The following FRY variants were observed in gnomAD, a reference collection of about 807,000 sequenced individuals.
The protein encoded by FRY is protein furry homolog.
Under a neutral mutation model 348.4 loss-of-function variants are expected in FRY, and 128 were observed. That is an observed-to-expected ratio of 0.37 (90% CI 0.32 to 0.43). FRY has a LOEUF of 0.43. Among genes scored for constraint, FRY ranks in the 20% least tolerant of loss-of-function variants. The pLI, the probability that FRY is intolerant of heterozygous loss-of-function variation, is 1.00. For missense variants in FRY, 2,736 were observed against 3,695.2 expected, an observed-to-expected ratio of 0.74 and a Z score of 6.73; for synonymous variants, 1,370 against 1,374.7, an observed-to-expected ratio of 1.00 and a Z score of 0.08.
Position 32,220,403 on chromosome 13 carries a change from T to A in FRY, c.4765+1572T>A, listed in dbSNP as rs970077793. ...TTTCAGCTATGTCCCTATAAAACCT[T>A]CACTAGAGCTGTCAATAGGAAGTAA... On this transcript the variant is annotated intron_variant, in intron 36 of 60. Coordinates refer to ENST00000542859, the MANE Select transcript of FRY (RefSeq NM_023037.3). Among the ~76,000 whole-genome samples the A allele has an allele frequency of 3.3e-5, 5 of 152,258 alleles. No homozygotes were observed. The South Asian group carries it at 1.0e-3, about 31-fold the overall frequency.
chr13:32,225,098 T>G, intron 38 of FRY, 62 bp downstream of exon 38: 1 of 937,978 alleles, frequency 1.1e-6, no homozygotes, highest in Non-Finnish European at 1.8e-6. Context: ...AAGTAATCCG[T>G]AGAGATTTCC....
intron 1 of FRY, among the ~76,000 whole-genome samples, chr13:32,069,661 A>T (rs967940446): frequency 6.6e-6 from 1 of 152,252 alleles, no homozygotes; most frequent in African/African-American, 2.4e-5. Context: ...CTTTGAAGAC[A>T]TTATGCTAAG....
chr13:32,084,349 C>T (rs986440149), intron 2 of FRY, among the ~76,000 whole-genome samples: 3 of 152,118 alleles, frequency 2.0e-5, no homozygotes, highest in Non-Finnish European at 2.9e-5. Flanking sequence ...CTTTTTCACT[C>T]CTTGATTTGG....
At chr13:32,112,923 A>C (rs1191343442) in intron 3 of FRY, among the ~76,000 whole-genome samples, 1 of 152,228 alleles carries the variant, frequency 6.6e-6, no homozygotes, top group Non-Finnish European at 1.5e-5. Flanking sequence ...TATTAGTGTT[A>C]GTCAGCATTG....
intron 46 of FRY, among the ~76,000 whole-genome samples, chr13:32,241,307 T>C (rs1162929798): frequency 1.3e-5 from 2 of 152,224 alleles, no homozygotes; most frequent in African/African-American, 4.8e-5. Flanking sequence ...AGCATATATA[T>C]ACAAGGGAGT....
chr13:32,249,768 C>T (rs1886984709), intron 49 of FRY, 81 bp downstream of exon 49: 2 of 1,287,508 alleles, frequency 1.6e-6, no homozygotes, highest in Non-Finnish European at 2.2e-6. Context: ...AAGGGATTCC[C>T]TCTCACCATC....
chr13:32,194,367 G>A (rs1220398820), intron 29 of FRY, 70 bp downstream of exon 29: 11 of 1,419,840 alleles, frequency 7.7e-6, no homozygotes, highest in South Asian at 5.7e-5. Flanking sequence ...ATGAATGACG[G>A]AGAGCTGTTT....
intron 1 of FRY, among the ~76,000 whole-genome samples, chr13:32,037,667 T>C (rs1470093544): frequency 1.3e-5 from 2 of 152,188 alleles, no homozygotes; most frequent in African/African-American, 2.4e-5. Context: ...AGCTGAGACA[T>C]TTGAGAAAGT....
chr13:32,108,991 T>C (rs1232846970), intron 3 of FRY, among the ~76,000 whole-genome samples: 1 of 152,150 alleles, frequency 6.6e-6, no homozygotes, highest in Non-Finnish European at 1.5e-5. Context: ...AGTTGTCAAC[T>C]TGATGTTAGC....
chr13:32,171,413 T>G (rs1436827837), intron 18 of FRY, 143 bp downstream of exon 18: 16 of 680,282 alleles, frequency 2.4e-5, no homozygotes, highest in Admixed American at 1.4e-4. Flanking sequence ...CTGGTTCAAG[T>G]GATTTTCATG....
At chr13:32,175,676 G>A (rs769655991) in intron 20 of FRY, 44 bp downstream of exon 20, 1 of 1,104,972 alleles carries the variant, frequency 9.1e-7, no homozygotes. Context: ...TAAAAGCTCT[G>A]GACCTATCTA....
chr13:32,136,002 A>T (rs1879690349), intron 10 of FRY, among the ~76,000 whole-genome samples: 1 of 151,762 alleles, frequency 6.6e-6, no homozygotes, highest in African/African-American at 2.4e-5. Flanking sequence ...ACTCAATGGT[A>T]GCAGTAGTTC....
chr13:32,123,386 T>A (rs1380099209), intron 4 of FRY, among the ~76,000 whole-genome samples: 3 of 152,180 alleles, frequency 2.0e-5, no homozygotes, highest in Admixed American at 6.5e-5. Flanking sequence ...TCCTTCTGCC[T>A]TTTACTCTTC....
At chr13:32,156,436 T>C (rs1275252058) in intron 15 of FRY, among the ~76,000 whole-genome samples, 2 of 152,042 alleles carry the variant, frequency 1.3e-5, no homozygotes, top group East Asian at 3.9e-4. Flanking sequence ...ACCCTGTCTC[T>C]ACTAAAAATA....
In FRY at chr13:32,178,957, G is replaced by A; in HGVS notation, c.2795G>A (p.Ser932Asn). The A allele has an allele frequency of 6.2e-7, 1 of 1,613,708 alleles. No individual in the cohort carries two copies. The highest frequency in any genetic ancestry group is 8.5e-7 in the Non-Finnish European group (1 of 1,179,642). Residue 932 changes from serine (S) to asparagine (N), a missense_variant, in exon 22 of 61, where the codon AGC (serine) becomes AAC (asparagine). Physicochemically the swap from Ser to Asn is conservative, Grantham distance 46. This residue lies in a region of FRY where 449 missense variants were observed against 576.9 expected (regional missense o/e 0.78). Transcript: ENST00000542859. ...CFGVAKPSIM[S>N]PGHLRASTPE... Reference sequence around the variant, plus strand: ...GGAGTTGCAAAACCCAGTATTATGAGCCCAGGACACTTAAGAGCTTCCACT... The same window carrying A: ...GGAGTTGCAAAACCCAGTATTATGAACCCAGGACACTTAAGAGCTTCCACT...
Position 32,266,357 on chromosome 13 carries a change from C to T in FRY, c.7946+741C>T, listed in dbSNP as rs143885805. Among the ~76,000 whole-genome samples, 564 of 152,272 alleles carry T rather than the reference C, an allele frequency of 3.7e-3. 1 individual carries two copies. The highest frequency in any genetic ancestry group is 0.027 in the Middle Eastern group (8 of 294). The stretch of plus-strand genomic sequence containing the variant: ...TTCATTATCTCTTCTTTCTTCCTGC[C>T]TCTCTGTCTCACTTTCCCTGCGTAT... On this transcript the variant is annotated intron_variant, in intron 54 of 60. Transcript: ENST00000542859.
In FRY at chr13:32,254,344, A is replaced by G; in HGVS notation, c.7366A>G (p.Arg2456Gly). 1 of 1,614,168 alleles carries G rather than the reference A, an allele frequency of 6.2e-7. No homozygotes were observed. Among genetic ancestry groups the G allele is most frequent in the Non-Finnish European group, 8.5e-7 (1 of 1,179,990 alleles). Residue 2456 changes from arginine to glycine, a missense_variant, in exon 51 of 61, where the codon AGA becomes GGA. Around this residue, in one of 9 missense-constraint regions of FRY, gnomAD observed 789 missense variants for 996.2 expected, o/e 0.79. Coordinates refer to ENST00000542859, the MANE Select transcript of FRY (RefSeq NM_023037.3). ...TGACACAAACAGCGAGCAGCAGTTT[A>G]GAGTCTTCAGAGACTTCGACTTCCT... The part of the protein sequence containing the change: ...MDDTNSEQQF[R>G]VFRDFDFLDV...
intron 1 of FRY, among the ~76,000 whole-genome samples, chr13:32,036,749 G>GA (rs796779111): frequency 1.7e-3 from 227 of 130,604 alleles, no homozygotes; most frequent in East Asian, 4.4e-3. Flanking sequence ...CATTTTCGAT[G>GA]AAAAAAAAAA....
intron 2 of FRY, among the ~76,000 whole-genome samples, chr13:32,082,836 TCTTTA>T (rs1255977498): frequency 6.6e-6 from 1 of 152,190 alleles, no homozygotes; most frequent in African/African-American, 2.4e-5. Flanking sequence ...CTTTGTGGGT[TCTTTA>T]CTTTTTTCCC....
Sources: gnomAD v4.1 joint callset for allele counts (sites outside exome capture counted in the v4.1 genomes callset) on GRCh38, gnomAD v4.1.1 for gene constraint, gnomAD v4.1.1 regional missense constraint, MANE v1.5 for transcripts, NCBI Gene and HGNC (gene_info 2026-07-23, HGNC 2026-07-21) for gene names.